The following FREM1 variants were observed in gnomAD, a reference collection of about 807,000 sequenced individuals.
FREM1 encodes FRAS1-related extracellular matrix protein 1.
FREM1 carries 220 observed loss-of-function variants against 210.1 expected under a neutral mutation model. That is an observed-to-expected ratio of 1.05 (90% CI 0.94 to 1.17). The LOEUF is 1.17. Ranked by LOEUF, FREM1 falls within the 50% of genes most tolerant of loss-of-function variation. The pLI, the probability that FREM1 is intolerant of heterozygous loss-of-function variation, is 0.00. For missense variants in FREM1, 3,454 were observed against 2,675.5 expected (o/e 1.29, Z -6.42); for synonymous variants, 1,189 against 980.2 (o/e 1.21, Z -3.98).
At chr9:14,743,560 T>C (rs1038167157) in intron 35 of FREM1, among the ~76,000 whole-genome samples, 55 of 152,248 alleles carry the variant, frequency 3.6e-4, no homozygotes, top group African/African-American at 1.3e-3. Flanking sequence ...CAATACTTAC[T>C]GTCCTTATTT....
chr9:14,739,431 T>A (rs940089754), intron 36 of FREM1, among the ~76,000 whole-genome samples: 3 of 138,388 alleles, frequency 2.2e-5, no homozygotes, highest in Non-Finnish European at 4.6e-5. Context: ...TGGAGGTAAG[T>A]CATTTCTAAT....
chr9:14,771,466 T>C (rs909521416), intron 25 of FREM1, among the ~76,000 whole-genome samples: 5 of 152,174 alleles, frequency 3.3e-5, no homozygotes, highest in African/African-American at 1.2e-4. Context: ...GTGAAGATGG[T>C]GGATGACATC....
chr9:14,748,701 T>C, intron 30 of FREM1, 62 bp from the exon 31 acceptor site: 4 of 1,026,066 alleles, frequency 3.9e-6, no homozygotes, highest in East Asian at 4.8e-5. Context: ...AGGTATCACA[T>C]TGACACAGCT....
intron 16 of FREM1, among the ~76,000 whole-genome samples, chr9:14,809,705 C>T (rs574148491): frequency 6.6e-6 from 1 of 152,248 alleles, no homozygotes; most frequent in South Asian, 2.1e-4. Flanking sequence ...TTATTCAACA[C>T]CTACTGTGTG....
chr9:14,738,825 C>G (rs1840887075), intron 36 of FREM1, among the ~76,000 whole-genome samples: 2 of 152,020 alleles, frequency 1.3e-5, no homozygotes, highest in African/African-American at 4.8e-5. Flanking sequence ...GCCTGGCCAA[C>G]ATGGTGAAAC....
intron 24 of FREM1, among the ~76,000 whole-genome samples, chr9:14,781,794 C>A (rs1257827116): frequency 6.6e-6 from 1 of 152,206 alleles, no homozygotes; most frequent in Non-Finnish European, 1.5e-5. Context: ...ACTTCTGCCT[C>A]CCGGGCTCAA....
chr9:14,867,352 G>A (rs1165890236), intron 2 of FREM1, among the ~76,000 whole-genome samples: 3 of 152,190 alleles, frequency 2.0e-5, no homozygotes, highest in Non-Finnish European at 2.9e-5. Context: ...GGGAGTAACT[G>A]AGGAGACACT....
At chr9:14,847,400 A>AAGGAAGAAAGGAAGGAAG (rs1491402972) in intron 7 of FREM1, among the ~76,000 whole-genome samples, 12 of 34,812 alleles carry the variant, frequency 3.4e-4, no homozygotes, top group African/African-American at 1.1e-3. Flanking sequence ...AGAGAGAAAA[A>AAGGAAGAAAGGAAGGAAG]GAAGGAAGGA....
chr9:14,863,559 C>T (rs1461672057), intron 3 of FREM1, among the ~76,000 whole-genome samples: 1 of 151,946 alleles, frequency 6.6e-6, no homozygotes, highest in Non-Finnish European at 1.5e-5. Flanking sequence ...TATAAGGACA[C>T]TAGAGGGAAA....
At chr9:14,906,088 T>C (rs1412725) in intron 1 of FREM1, among the ~76,000 whole-genome samples, 107,705 of 152,028 alleles carry the variant, frequency 0.71, 39,317 homozygotes, top group Middle Eastern at 0.81. Context: ...TCAGACATTA[T>C]ACTTGTATTA....
At chr9:14,747,638 T>A (rs1469050518) in intron 32 of FREM1, 43 bp downstream of exon 32, 4 of 1,163,774 alleles carry the variant, frequency 3.4e-6, no homozygotes, top group Non-Finnish European at 4.9e-6. Context: ...AATACTTGCA[T>A]CCATAAATAT....
At chr9:14,874,674 C>G (rs7032309) in intron 1 of FREM1, among the ~76,000 whole-genome samples, 75,545 of 151,504 alleles carry the variant, frequency 0.5, 20,427 homozygotes, top group East Asian at 0.72. Flanking sequence ...GACATTTAAA[C>G]TTAATATTGT....
chr9:14,815,886 G>C (rs1343478485), intron 15 of FREM1, among the ~76,000 whole-genome samples: 2 of 152,176 alleles, frequency 1.3e-5, no homozygotes, highest in African/African-American at 2.4e-5. Flanking sequence ...GACCTCAAGT[G>C]ATCAGCCTGC....
intron 1 of FREM1, among the ~76,000 whole-genome samples, chr9:14,874,888 G>C (rs1833399634): frequency 6.6e-6 from 1 of 152,126 alleles, no homozygotes; most frequent in African/African-American, 2.4e-5. Flanking sequence ...CTCAGCATTT[G>C]CTTGTCTGTA....
intron 24 of FREM1, among the ~76,000 whole-genome samples, chr9:14,781,524 C>T (rs1349710134): frequency 6.6e-6 from 1 of 152,126 alleles, no homozygotes; most frequent in Non-Finnish European, 1.5e-5. Flanking sequence ...CTACTAAAAA[C>T]TGAATACTTG....
chr9:14,898,291 C>A (rs1435481633), intron 1 of FREM1, among the ~76,000 whole-genome samples: 1 of 152,206 alleles, frequency 6.6e-6, no homozygotes, highest in Non-Finnish European at 1.5e-5. Flanking sequence ...CAATGTAAAT[C>A]AAAGTTGCCA....
At chr9:14,748,269 C>A (rs972966293) in intron 31 of FREM1, 132 bp downstream of exon 31, 52 of 630,632 alleles carry the variant, frequency 8.2e-5, no homozygotes, top group Non-Finnish European at 8.1e-5. Context: ...CATAACTGTG[C>A]AAGGAACCAT....
chr9:14,748,333 T>C, intron 31 of FREM1, 68 bp downstream of exon 31: 1 of 894,556 alleles, frequency 1.1e-6, no homozygotes, highest in Non-Finnish European at 1.7e-6. Flanking sequence ...TCAGAATACT[T>C]ATTAATATCT....
intron 24 of FREM1, among the ~76,000 whole-genome samples, chr9:14,780,034 T>C (rs1414477874): frequency 6.6e-6 from 1 of 152,152 alleles, no homozygotes; most frequent in Admixed American, 6.5e-5. Context: ...GCTGTTCATG[T>C]CTGGAAAAGC....
Sources: allele counts gnomAD v4.1 joint callset (sites outside exome capture counted in the v4.1 genomes callset), GRCh38; gene constraint gnomAD v4.1.1; transcripts MANE v1.5; gene names NCBI Gene and HGNC (gene_info 2026-07-23, HGNC 2026-07-21).